Variants in CDC42 observed in about 807,000 individuals in gnomAD.
The protein encoded by CDC42 is cell division control protein 42 homolog.
Under a neutral mutation model 20.8 loss-of-function variants are expected in CDC42, and 1 was observed. The observed-to-expected ratio is 0.05, with a 90% CI of 0.02 to 0.23. CDC42 has a LOEUF of 0.23. Ranked by LOEUF, CDC42 falls within the 10% of genes least tolerant of loss-of-function variation. CDC42 has a pLI of 1.00. For missense variants in CDC42, 49 were observed against 227.9 expected (o/e 0.21, Z 5.05); for synonymous variants, 72 against 84.8 (o/e 0.85, Z 0.83).
At chr1:22,055,044 C>T (rs1645289147) in intron 1 of CDC42, among the ~76,000 whole-genome samples, 1 of 143,408 alleles carries the variant, frequency 7.0e-6, no homozygotes, top group Admixed American at 7.1e-5. Flanking sequence ...AGCTCCGCCT[C>T]CCAGGTTCAC....
At chr1:22,081,061 C>G (rs2124015407) in intron 2 of CDC42, among the ~76,000 whole-genome samples, 1 of 152,228 alleles carries the variant, frequency 6.6e-6, no homozygotes, top group East Asian at 1.9e-4. Context: ...CCCAGCTACT[C>G]AGGAGGCTGA....
rs147730018 is a variant in CDC42 at position 22,096,175 on chromosome 1, G to T, written c.*4658G>T. Among the ~76,000 whole-genome samples the T allele has an allele frequency of 2.2e-4, 34 of 151,890 alleles. No individual in the cohort carries two copies. Among genetic ancestry groups the T allele is most frequent in the African/African-American group, 8.2e-4 (34 of 41,408 alleles). On this transcript the variant is annotated 3_prime_UTR_variant, in exon 6 of 6. Transcript: ENST00000656825. ...TGGGTGTCACTATGTTGGCCAGACAGATCTCAAACTCCTGACCTCCTGATC... is the reference window on the plus strand; with the variant it reads ...TGGGTGTCACTATGTTGGCCAGACATATCTCAAACTCCTGACCTCCTGATC...
At chr1:22,077,075 G>C (rs1477669518) in intron 1 of CDC42, among the ~76,000 whole-genome samples, 2 of 152,168 alleles carry the variant, frequency 1.3e-5, no homozygotes. Context: ...AGGATTGCTT[G>C]AGTCTGGGAG....
chr1:22,058,308 T>C (rs1474173423), intron 1 of CDC42, among the ~76,000 whole-genome samples: 1 of 152,192 alleles, frequency 6.6e-6, no homozygotes, highest in Non-Finnish European at 1.5e-5. Flanking sequence ...TCATTTTATT[T>C]TCCTATGGAA....
intron 1 of CDC42, among the ~76,000 whole-genome samples, chr1:22,065,904 G>A (rs1258170547): frequency 6.6e-6 from 1 of 152,002 alleles, no homozygotes; most frequent in Non-Finnish European, 1.5e-5. Context: ...GATTACAGGT[G>A]TGCGCCACCA....
chr1:22,065,087 GTC>G (rs1442682821), intron 1 of CDC42, among the ~76,000 whole-genome samples: 1 of 152,242 alleles, frequency 6.6e-6, no homozygotes, highest in African/African-American at 2.4e-5. Flanking sequence ...TGATACTATT[GTC>G]TCTGTTTTAC....
At chr1:22,071,338 C>T (rs913970705) in intron 1 of CDC42, among the ~76,000 whole-genome samples, 4 of 152,252 alleles carry the variant, frequency 2.6e-5, no homozygotes, top group South Asian at 4.1e-4. Flanking sequence ...GCCACCGCAC[C>T]CGGTCGGAAC....
chr1:22,072,833 T>C (rs1174904308), intron 1 of CDC42, among the ~76,000 whole-genome samples: 2 of 152,208 alleles, frequency 1.3e-5, no homozygotes, highest in Non-Finnish European at 2.9e-5. Context: ...AAACCAAATA[T>C]TGCCAAATAT....
At chr1:22,060,221 C>T (rs950016338) in intron 1 of CDC42, among the ~76,000 whole-genome samples, 1 of 152,038 alleles carries the variant, frequency 6.6e-6, no homozygotes, top group African/African-American at 2.4e-5. Context: ...ACCTGTAATC[C>T]CAGCTACTTG....
At chr1:22,083,128 G>A (rs1645626133) in intron 3 of CDC42, among the ~76,000 whole-genome samples, 7 of 151,838 alleles carry the variant, frequency 4.6e-5, no homozygotes, top group Admixed American at 3.3e-4. Flanking sequence ...TGATCCGCCC[G>A]CCTTGGCCTC....
chr1:22,067,909 A>T (rs1645442140), intron 1 of CDC42, among the ~76,000 whole-genome samples: 1 of 152,108 alleles, frequency 6.6e-6, no homozygotes, highest in Non-Finnish European at 1.5e-5. Context: ...GTCTCAGAGA[A>T]GGAGAGGTTT....
intron 1 of CDC42, among the ~76,000 whole-genome samples, chr1:22,058,679 T>A (rs1021433471): frequency 6.6e-6 from 1 of 151,910 alleles, no homozygotes; most frequent in Admixed American, 6.6e-5. Flanking sequence ...ATGGGGTTTC[T>A]CCATGTTGGG....
rs1018635017 is a variant in CDC42, at chr1:22,093,480, A to G, written c.*1963A>G. ...TGGGATACATTTTCTTTAGGTAGCAAGAAAGGTTTATTTACCTTTAGGACA... is the reference window on the plus strand; with the variant it reads ...TGGGATACATTTTCTTTAGGTAGCAGGAAAGGTTTATTTACCTTTAGGACA... On this transcript the variant is annotated 3_prime_UTR_variant, in exon 6 of 6. Coordinates refer to ENST00000656825, the MANE Select transcript of CDC42 (RefSeq NM_001791.4). Among the ~76,000 whole-genome samples the G allele has an allele frequency of 2.0e-5, 3 of 152,238 alleles. No individual in the cohort carries two copies. Among genetic ancestry groups the G allele is most frequent in the Non-Finnish European group, 4.4e-5 (3 of 68,048 alleles).
chr1:22,081,671 A>AT (rs764401254), intron 2 of CDC42, 51 bp from the exon 3 acceptor site: 1 of 1,168,806 alleles, frequency 8.6e-7, no homozygotes, highest in African/African-American at 1.5e-5. Flanking sequence ...GTCCTGTCCC[A>AT]TTTTAACTCT....
intron 3 of CDC42, among the ~76,000 whole-genome samples, chr1:22,084,492 T>G (rs1329620766): frequency 6.6e-6 from 1 of 152,060 alleles, no homozygotes; most frequent in Admixed American, 6.5e-5. Flanking sequence ...TTTAATCAAG[T>G]TCTTTGCCCA....
At chr1:22,088,656 C>T (rs575204757) in intron 5 of CDC42, among the ~76,000 whole-genome samples, 26 of 152,244 alleles carry the variant, frequency 1.7e-4, no homozygotes, top group African/African-American at 6.0e-4. Flanking sequence ...TGTTGATCTT[C>T]GTCCATGGTA....
chr1:22,097,186 C>G lies in CDC42; in HGVS notation c.*5669C>G, dbSNP rs543516904. ...ATGGTAGCAGAGCTGGGCGTGAAACCTGCATTCCTGGCCTCTCCTTTTGTG... is the reference window on the plus strand; with the variant it reads ...ATGGTAGCAGAGCTGGGCGTGAAACGTGCATTCCTGGCCTCTCCTTTTGTG... On this transcript the variant is annotated 3_prime_UTR_variant, in exon 6 of 6. Coordinates refer to ENST00000656825, the MANE Select transcript of CDC42 (RefSeq NM_001791.4). Among the ~76,000 whole-genome samples, 1 of 152,366 alleles carries G rather than the reference C, an allele frequency of 6.6e-6. No individual in the cohort carries two copies. Among genetic ancestry groups the G allele is most frequent in the Non-Finnish European group, 1.5e-5 (1 of 68,038 alleles).
intron 1 of CDC42, chr1:22,064,226 A>T (rs946975466): frequency 7.2e-5 from 11 of 152,112 alleles, no homozygotes; most frequent in African/African-American, 2.7e-4. Flanking sequence ...GTGTTTTCCT[A>T]ATATTTTGAG....
intron 1 of CDC42, among the ~76,000 whole-genome samples, chr1:22,065,665 A>G (rs986975538): frequency 1.3e-5 from 2 of 152,014 alleles, no homozygotes; most frequent in African/African-American, 4.8e-5. Flanking sequence ...GTAGACGAGA[A>G]AGTTAAGGCA....
Sources: allele counts gnomAD v4.1 joint callset (sites outside exome capture counted in the v4.1 genomes callset), GRCh38; gene constraint gnomAD v4.1.1; transcripts MANE v1.5; gene names NCBI Gene and HGNC (gene_info 2026-07-23, HGNC 2026-07-21).